The following AKAIN1 variants were observed in gnomAD, a reference collection of about 807,000 sequenced individuals.
The protein encoded by AKAIN1 is A-kinase anchor inhibitor 1.
AKAIN1 carries 3 observed loss-of-function variants against 3.7 expected under a neutral mutation model. The observed-to-expected ratio is 0.82, with a 90% CI of 0.37 to 2.12. The LOEUF (loss-of-function observed/expected upper bound fraction) is 2.12, where lower values mean the gene tolerates loss of function less well. Ranked by LOEUF, AKAIN1 falls within the 30% of genes most tolerant of loss-of-function variation. AKAIN1 has a pLI of 0.06. For missense variants in AKAIN1, 82 were observed against 82.7 expected (o/e 0.99, Z 0.03); for synonymous variants, 31 against 30.8 (o/e 1.01, Z -0.02).
At chr18:5,177,176 A>G (rs531052711) in intron 1 of AKAIN1, among the ~76,000 whole-genome samples, 307 of 152,290 alleles carry the variant, frequency 2.0e-3, no homozygotes, top group African/African-American at 7.1e-3. Context: ...AAAATCTTAA[A>G]TGCAAATTGT....
intron 1 of AKAIN1, among the ~76,000 whole-genome samples, chr18:5,169,941 G>A (rs1012289950): frequency 1.3e-5 from 2 of 152,160 alleles, no homozygotes; most frequent in African/African-American, 2.4e-5. Context: ...TCAGGCCTGT[G>A]ATGGCCTAAA....
At chr18:5,191,251 C>A (rs2071316828) in intron 1 of AKAIN1, among the ~76,000 whole-genome samples, 1 of 152,010 alleles carries the variant, frequency 6.6e-6, no homozygotes, top group Admixed American at 6.6e-5. Flanking sequence ...ATTTAAAAAT[C>A]CTAAGGAATC....
At chr18:5,157,993 T>C (rs538530453) in intron 1 of AKAIN1, among the ~76,000 whole-genome samples, 18 of 152,284 alleles carry the variant, frequency 1.2e-4, no homozygotes, top group African/African-American at 4.3e-4. Context: ...CAAGCCCAGC[T>C]CTGTTACAAC....
intron 1 of AKAIN1, among the ~76,000 whole-genome samples, chr18:5,188,821 C>T (rs1389202916): frequency 1.3e-5 from 2 of 152,220 alleles, no homozygotes; most frequent in Non-Finnish European, 2.9e-5. Context: ...TTTGTAAGCT[C>T]AGAGCTGCTC....
intron 1 of AKAIN1, among the ~76,000 whole-genome samples, chr18:5,150,660 C>T (rs1246754946): frequency 1.3e-5 from 2 of 152,138 alleles, no homozygotes; most frequent in South Asian, 2.1e-4. Flanking sequence ...CATGGGGATC[C>T]GGCCTTCCAC....
intron 1 of AKAIN1, among the ~76,000 whole-genome samples, chr18:5,183,531 C>T (rs566096522): frequency 1.3e-5 from 2 of 151,666 alleles, no homozygotes; most frequent in East Asian, 1.9e-4. Flanking sequence ...AGTCAGTAGC[C>T]AACTTAAACC....
At chr18:5,177,032 C>T (rs2071230558) in intron 1 of AKAIN1, among the ~76,000 whole-genome samples, 1 of 152,058 alleles carries the variant, frequency 6.6e-6, no homozygotes, top group Non-Finnish European at 1.5e-5. Flanking sequence ...AAGGCCAGTA[C>T]CCAATGGAAT....
chr18:5,159,643 T>C (rs12104081), intron 1 of AKAIN1, among the ~76,000 whole-genome samples: 134 of 152,316 alleles, frequency 8.8e-4, no homozygotes, highest in African/African-American at 3.1e-3. Flanking sequence ...ATTTTTGCCT[T>C]ATTTAGTGAA....
intron 1 of AKAIN1, among the ~76,000 whole-genome samples, chr18:5,182,107 A>G (rs1480025755): frequency 6.6e-6 from 1 of 152,114 alleles, no homozygotes; most frequent in African/African-American, 2.4e-5. Flanking sequence ...GCAACTTTCC[A>G]TGATTCATAA....
chr18:5,154,744 G>T (rs912504690), intron 1 of AKAIN1, among the ~76,000 whole-genome samples: 13 of 151,984 alleles, frequency 8.6e-5, no homozygotes, highest in African/African-American at 3.1e-4. Flanking sequence ...CCTCTCAAGA[G>T]ACTCCACCTG....
rs976949047 is a variant in AKAIN1 at position 5,145,428 on chromosome 18, G to T, written c.*134C>A. On this transcript the variant is annotated 3_prime_UTR_variant, in exon 2 of 2. Transcript: ENST00000434239. ...TCAAAACAGTGCTTCTCAGCCAGGGGCTAGTGTGAATTCATTCTACAGCTA... is the reference window on the plus strand; with the variant it reads ...TCAAAACAGTGCTTCTCAGCCAGGGTCTAGTGTGAATTCATTCTACAGCTA... 10 of 669,114 alleles carry T rather than the reference G, an allele frequency of 1.5e-5. No individual in the cohort carries two copies. The highest frequency in any genetic ancestry group is 2.7e-5 in the East Asian group (1 of 36,444). 41.4% of individuals were successfully genotyped at this position (669,114 alleles called of 1,614,324 possible). A position where few individuals can be genotyped will look rare whatever the true frequency, so the allele number is the denominator to read the frequency against.
intron 1 of AKAIN1, among the ~76,000 whole-genome samples, chr18:5,195,085 C>T (rs1018382342): frequency 6.6e-6 from 1 of 152,066 alleles, no homozygotes; most frequent in African/African-American, 2.4e-5. Flanking sequence ...TTTTTAGCAT[C>T]CTGTTCTTAT....
At chr18:5,158,678 T>C (rs1244773645) in intron 1 of AKAIN1, among the ~76,000 whole-genome samples, 1 of 152,208 alleles carries the variant, frequency 6.6e-6, no homozygotes, top group Non-Finnish European at 1.5e-5. Context: ...GGTCAACCAT[T>C]TGCCATGACA....
At chr18:5,170,865 G>A (rs1029881616) in intron 1 of AKAIN1, 8 of 152,122 alleles carry the variant, frequency 5.3e-5, no homozygotes, top group Admixed American at 5.2e-4. Context: ...GGAGACCTAG[G>A]CCACATGGGG....
chr18:5,151,903 A>C (rs2071081994), intron 1 of AKAIN1, among the ~76,000 whole-genome samples: 1 of 152,262 alleles, frequency 6.6e-6, no homozygotes, highest in African/African-American at 2.4e-5. Context: ...CAAAGCACTT[A>C]CTACATGACA....
intron 1 of AKAIN1, among the ~76,000 whole-genome samples, chr18:5,182,927 G>A (rs1016102850): frequency 6.6e-6 from 1 of 152,022 alleles, no homozygotes; most frequent in Non-Finnish European, 1.5e-5. Context: ...TGAAGAAAAG[G>A]TGCTGGACAT....
At chr18:5,161,462 C>T (rs12457539) in intron 1 of AKAIN1, among the ~76,000 whole-genome samples, 52,544 of 151,898 alleles carry the variant, frequency 0.35, 11,304 homozygotes, top group East Asian at 0.48. Flanking sequence ...GATTGCATCT[C>T]CCAGTGATGA....
chr18:5,159,487 A>T (rs539209300), intron 1 of AKAIN1: 1 of 152,332 alleles, frequency 6.6e-6, no homozygotes, highest in South Asian at 2.1e-4. Flanking sequence ...ATTAAATTAC[A>T]TGTTATCTAA....
chr18:5,172,459 A>G (rs746592726), intron 1 of AKAIN1, among the ~76,000 whole-genome samples: 7 of 152,036 alleles, frequency 4.6e-5, no homozygotes, highest in Non-Finnish European at 8.8e-5. Flanking sequence ...TTAAAAATTT[A>G]AAAAAAATTT....
Sources: gnomAD v4.1 joint callset for allele counts (sites outside exome capture counted in the v4.1 genomes callset) on GRCh38, gnomAD v4.1.1 for gene constraint, MANE v1.5 for transcripts, NCBI Gene and HGNC (gene_info 2026-07-23, HGNC 2026-07-21) for gene names.